Variants in VMP1 observed in about 807,000 individuals in gnomAD.
The protein encoded by VMP1 is ectopic P-granules autophagy protein 3 homolog.
A neutral mutation model predicts 56.0 loss-of-function variants in VMP1; 11 were observed. That is an observed-to-expected ratio of 0.20 (90% CI 0.12 to 0.32). The LOEUF (loss-of-function observed/expected upper bound fraction) is 0.32, where lower values mean the gene tolerates loss of function less well. Ranked by LOEUF, VMP1 falls within the 10% of genes least tolerant of loss-of-function variation. The probability of loss-of-function intolerance (pLI) is 1.00; values close to 1 mark genes in which losing one functional copy is unlikely to be tolerated. For missense variants in VMP1, 296 were observed against 490.3 expected (o/e 0.60, Z 3.74); for synonymous variants, 149 against 165.0 (o/e 0.90, Z 0.74).
At chr17:59,735,549 T>G (rs2034987426) in intron 3 of VMP1, 76 bp downstream of exon 3, 1 of 1,499,338 alleles carries the variant, frequency 6.7e-7, no homozygotes, top group Non-Finnish European at 9.2e-7. Context: ...ATCTCTTACT[T>G]TCTGCCCTCT....
At chr17:59,835,745 C>G (rs2038961011) in intron 10 of VMP1, among the ~76,000 whole-genome samples, 1 of 150,978 alleles carries the variant, frequency 6.6e-6, no homozygotes, top group Non-Finnish European at 1.5e-5. Context: ...CCGCCTCGGC[C>G]TCCCAAAGTG....
chr17:59,832,295 T>C (rs570277676), intron 10 of VMP1, among the ~76,000 whole-genome samples: 2 of 149,338 alleles, frequency 1.3e-5, no homozygotes, highest in African/African-American at 5.0e-5. Flanking sequence ...CCCGAGTAGC[T>C]GGGACTACAG....
At chr17:59,760,134 A>G (rs1254419993) in intron 5 of VMP1, among the ~76,000 whole-genome samples, 6 of 145,854 alleles carry the variant, frequency 4.1e-5, no homozygotes, top group Admixed American at 2.0e-4. Flanking sequence ...AAAAAAAAAA[A>G]GAAAAAAAAA....
chr17:59,837,975 G>A (rs939456920), intron 10 of VMP1: 5 of 210,142 alleles, frequency 2.4e-5, no homozygotes, highest in Non-Finnish European at 4.8e-5. Flanking sequence ...CAGCTGAGCT[G>A]ACCTTACTCT....
chr17:59,784,588 A>G (rs1039449656), intron 7 of VMP1, among the ~76,000 whole-genome samples: 4 of 152,140 alleles, frequency 2.6e-5, no homozygotes, highest in Non-Finnish European at 5.9e-5. Context: ...AAATGTTTGT[A>G]TTTTCAACAA....
intron 1 of VMP1, among the ~76,000 whole-genome samples, chr17:59,723,815 C>T (rs1382582049): frequency 6.6e-6 from 1 of 152,032 alleles, no homozygotes; most frequent in Admixed American, 6.6e-5. Context: ...AGGACACTGC[C>T]AAGTCATAAA....
In VMP1 at chr17:59,808,763, C is replaced by T. The variant is rs933119802; in HGVS notation, c.715-33C>T. ...ACCATCTTTCCTTCTTTTCCTACTT[C>T]TCATTAATGTTTCTAAATTTGCCTT... On this transcript the variant is annotated intron_variant, in intron 7 of 11. Coordinates refer to ENST00000262291, the MANE Select transcript of VMP1 (RefSeq NM_030938.5). 1.9e-6 allele frequency: 3 copies of T among 1,552,494 alleles called. No homozygotes were observed. The African/African-American group carries it at 4.1e-5, about 21-fold the overall frequency.
At chr17:59,813,434 G>A (rs1278750005) in intron 9 of VMP1, among the ~76,000 whole-genome samples, 1 of 152,010 alleles carries the variant, frequency 6.6e-6, no homozygotes, top group Non-Finnish European at 1.5e-5. Context: ...AAAATTAGCC[G>A]AGCGTGGTGG....
At chr17:59,757,859 CT>C (rs66605258) in intron 5 of VMP1, among the ~76,000 whole-genome samples, 84 of 91,288 alleles carry the variant, frequency 9.2e-4, no homozygotes, top group Admixed American at 1.5e-3. Flanking sequence ...TTATTTGCCA[CT>C]TTTTTTTTTT....
intron 10 of VMP1, among the ~76,000 whole-genome samples, chr17:59,821,809 CA>C (rs2144277107): frequency 6.6e-6 from 1 of 151,822 alleles, no homozygotes; most frequent in South Asian, 2.1e-4. Context: ...CTGGGACTCC[CA>C]AAGTGCTGGG....
chr17:59,832,307 C>T (rs756147403), intron 10 of VMP1, among the ~76,000 whole-genome samples: 21 of 149,664 alleles, frequency 1.4e-4, no homozygotes, highest in Non-Finnish European at 3.0e-4. Context: ...GGACTACAGG[C>T]ACGTGCCATC....
At chr17:59,762,535 C>A (rs962687715) in intron 5 of VMP1, among the ~76,000 whole-genome samples, 1 of 151,870 alleles carries the variant, frequency 6.6e-6, no homozygotes, top group Non-Finnish European at 1.5e-5. Flanking sequence ...ATTTAAAAAC[C>A]ATTAAGCTAA....
chr17:59,732,044 G>A (rs1006817429), intron 2 of VMP1, among the ~76,000 whole-genome samples: 1 of 152,042 alleles, frequency 6.6e-6, no homozygotes, highest in South Asian at 2.1e-4. Context: ...GATGATTTAA[G>A]TAGAAACTTT....
At chr17:59,797,872 C>T (rs1198717063) in intron 7 of VMP1, among the ~76,000 whole-genome samples, 3 of 152,130 alleles carry the variant, frequency 2.0e-5, no homozygotes, top group African/African-American at 7.2e-5. Flanking sequence ...AAAACACCAT[C>T]TCAAAAAAGT....
chr17:59,748,542 A>G (rs1290224414), intron 5 of VMP1, among the ~76,000 whole-genome samples: 1 of 152,180 alleles, frequency 6.6e-6, no homozygotes, highest in Non-Finnish European at 1.5e-5. Flanking sequence ...AGTGATAATA[A>G]TAGTACCCAT....
intron 1 of VMP1, among the ~76,000 whole-genome samples, chr17:59,722,191 A>G (rs1468620629): frequency 3.9e-5 from 6 of 152,204 alleles, no homozygotes; most frequent in African/African-American, 1.4e-4. Flanking sequence ...TCAGCCCATT[A>G]CAAGCATATA....
intron 10 of VMP1, 80 bp from the exon 11 acceptor site, chr17:59,838,214 TA>T: frequency 8.7e-7 from 1 of 1,146,086 alleles, no homozygotes; most frequent in Non-Finnish European, 1.3e-6. Flanking sequence ...GTCCAGGTGG[TA>T]AGTACATTTT....
At chr17:59,800,271 C>T (rs944768516) in intron 7 of VMP1, among the ~76,000 whole-genome samples, 10 of 152,118 alleles carry the variant, frequency 6.6e-5, no homozygotes, top group Non-Finnish European at 1.2e-4. Context: ...TTTAATGATA[C>T]GTTATTAGGG....
At chr17:59,727,427 C>A (rs1233915030) in intron 1 of VMP1, among the ~76,000 whole-genome samples, 1 of 152,158 alleles carries the variant, frequency 6.6e-6, no homozygotes, top group Non-Finnish European at 1.5e-5. Context: ...AGCCATCATG[C>A]CTGGCCCTGT....
Sources: gnomAD v4.1 joint callset for allele counts (sites outside exome capture counted in the v4.1 genomes callset) on GRCh38, gnomAD v4.1.1 for gene constraint, MANE v1.5 for transcripts, NCBI Gene and HGNC (gene_info 2026-07-23, HGNC 2026-07-21) for gene names.